Variants in USF1 observed in about 807,000 individuals in gnomAD.
The protein encoded by USF1 is upstream stimulatory factor 1.
A neutral mutation model predicts 46.3 loss-of-function variants in USF1; 22 were observed. The ratio of observed to expected loss-of-function variants is 0.47; its 90% confidence interval spans 0.34 to 0.68. The LOEUF is 0.68. Among genes scored for constraint, USF1 ranks in the 30% least tolerant of loss-of-function variants. USF1 has a pLI of 0.01. For synonymous variants in USF1, 150 were observed against 147.0 expected (o/e 1.02, Z -0.15); for missense variants, 287 against 399.3 (o/e 0.72, Z 2.40).
In USF1 at chr1:161,040,611, G is replaced by T; in HGVS notation, c.679C>A (p.Pro227Thr). 1.2e-6 allele frequency: 2 copies of T among 1,612,484 alleles called. No homozygotes were observed. Among genetic ancestry groups the T allele is most frequent in the Non-Finnish European group, 1.7e-6 (2 of 1,179,824 alleles). The change falls in exon 9 of 11, where the codon CCA becomes ACA. Residue 227 changes from proline (P) to threonine (T), a missense_variant. Coordinates refer to ENST00000368021, the MANE Select transcript of USF1 (RefSeq NM_007122.5). The surrounding 1 kb of genome is among the most constrained non-coding windows in gnomAD (Gnocchi z 4.0). ...NWIVQLSKII[P>T]DCSMESTKSG... is the part of the protein sequence containing the mutation. The stretch of plus-strand genomic sequence containing the variant: ...TTGGTGCTCTCCATAGAGCAGTCTG[G>T]GATTATCTTGGAGAGCTGCACGATC...
intron 3 of USF1, 67 bp downstream of exon 3, chr1:161,042,766 T>C (rs1650624525): frequency 3.1e-6 from 5 of 1,612,174 alleles, no homozygotes; most frequent in Non-Finnish European, 4.2e-6. Context: ...GCACAGGAGA[T>C]GGTCTGGTGG....
In USF1 at chr1:161,041,796, C is replaced by A; in HGVS notation, c.327G>T (p.Gly109=). The A allele has an allele frequency of 6.2e-6, 10 of 1,614,066 alleles. No individual in the cohort carries two copies. Among genetic ancestry groups the A allele is most frequent in the Non-Finnish European group, 8.5e-6 (10 of 1,179,972 alleles). The part of the protein sequence containing the change: ...FTSDDAVDTE[G]TAAETHYTYF... Reference sequence around the variant, plus strand: ...AAGTATAGTGCGTCTCAGCAGCTGTCCCCTCCGTGTCAACTGCATCATCAC... The same window carrying A: ...AAGTATAGTGCGTCTCAGCAGCTGTACCCTCCGTGTCAACTGCATCATCAC... Residue 109 remains glycine, a synonymous_variant, in exon 6 of 11, where the codon GGG becomes GGT. Transcript: ENST00000368021.
intron 7 of USF1, among the ~76,000 whole-genome samples, 171 bp downstream of exon 7, chr1:161,041,153 T>A (rs536081327): frequency 2.0e-4 from 30 of 149,500 alleles, no homozygotes; most frequent in Non-Finnish European, 4.3e-4. Context: ...TTCCAGCTAC[T>A]CAGGAGGCTG....
chr1:161,040,034 G>C lies in USF1; in HGVS notation c.844-25C>G, dbSNP rs776883110. On this transcript the variant is annotated intron_variant, in intron 10 of 10. Coordinates refer to ENST00000368021, the MANE Select transcript of USF1 (RefSeq NM_007122.5). The surrounding 1 kb of genome is among the most constrained non-coding windows in gnomAD (Gnocchi z 4.0). ...CCTGACATGGGAAGGAGGCAGTAAA[G>C]GGAATGGGTAGTAAAGCTGGCACTT... 3 of 1,613,998 alleles carry C rather than the reference G, an allele frequency of 1.9e-6. No homozygotes were observed. The highest frequency in any genetic ancestry group is 4.5e-5 in the East Asian group (2 of 44,884).
chr1:161,043,061 A>G (rs1280205080), intron 2 of USF1, among the ~76,000 whole-genome samples, 179 bp from the exon 3 acceptor site: 1 of 152,210 alleles, frequency 6.6e-6, no homozygotes, highest in African/African-American at 2.4e-5. Context: ...AGTACATTAC[A>G]TGTAATCTTA....
rs1013785367 is a variant in USF1 at position 161,041,774 on chromosome 1, T to C, written c.349A>G (p.Thr117Ala). ...CCCACTGCCGTGCTGGGGAAGTAAG[T>C]ATAGTGCGTCTCAGCAGCTGTCCCC... ...TEGTAAETHY[T>A]YFPSTAVGDG... Residue 117 changes from threonine (T) to alanine (A), a missense_variant, in exon 6 of 11, where the codon ACT becomes GCT. By Grantham distance (58) the Thr-to-Ala change is moderately conservative (BLOSUM62 0). Coordinates refer to ENST00000368021, the MANE Select transcript of USF1 (RefSeq NM_007122.5). 3.1e-6 allele frequency: 5 copies of C among 1,614,060 alleles called. No homozygotes were observed. The highest frequency in any genetic ancestry group is 3.3e-5 in the Admixed American group (2 of 60,000).
intron 3 of USF1, 71 bp from the exon 4 acceptor site, chr1:161,042,741 C>T (rs989150169): frequency 1.1e-5 from 18 of 1,611,630 alleles, no homozygotes; most frequent in African/African-American, 4.0e-5. Flanking sequence ...TTGCATGTCA[C>T]GGAAGGAGGA....
Position 161,042,883 on chromosome 1 carries a change from C to G in USF1, c.9-1G>C. The stretch of plus-strand genomic sequence containing the variant: ...TTCCGTTTCAGCTGTTTTCTGCTGC[C>G]TGTTTGTGGTGAAAGGACAAAAGGA... On this transcript the variant is annotated splice_acceptor_variant, in intron 2 of 10. Transcript: ENST00000368021. LOFTEE classifies it high-confidence loss of function. The G allele has an allele frequency of 6.2e-7, 1 of 1,614,164 alleles. No homozygotes were observed. The highest frequency in any genetic ancestry group is 8.5e-7 in the Non-Finnish European group (1 of 1,180,040).
chr1:161,039,818 C>T lies in USF1; in HGVS notation c.*102G>A, dbSNP rs1165408825. ...ACACACCTTCTGAACTTCCCCCTGT[C>T]CCATGCCAGAAGTGGGGCAGTGAAG... On this transcript the variant is annotated 3_prime_UTR_variant, in exon 11 of 11. Transcript: ENST00000368021. The T allele has an allele frequency of 7.2e-6, 9 of 1,241,452 alleles. No individual in the cohort carries two copies. The East Asian group carries it at 1.9e-4, about 26-fold the overall frequency. 76.9% of individuals were successfully genotyped at this position (1,241,452 alleles called of 1,614,324 possible). A position where few individuals can be genotyped will look rare whatever the true frequency, so the allele number is the denominator to read the frequency against.
At chr1:161,041,178 C>T (rs1650540515) in intron 7 of USF1, 146 bp downstream of exon 7, 2 of 746,370 alleles carry the variant, frequency 2.7e-6, no homozygotes, top group Non-Finnish European at 4.1e-6. Context: ...ATGAGAAACG[C>T]TTGAACCCTG....
intron 4 of USF1, 61 bp from the exon 5 acceptor site, chr1:161,042,278 TC>T: frequency 6.6e-7 from 1 of 1,517,650 alleles, no homozygotes; most frequent in Non-Finnish European, 9.0e-7. Flanking sequence ...GTGTTGGGAA[TC>T]CTAGGGCCCC....
rs1216446466 is a variant in USF1 at position 161,040,826 on chromosome 1, G to T, written c.607C>A (p.Gln203Lys). The T allele has an allele frequency of 6.2e-7, 1 of 1,614,114 alleles. No homozygotes were observed. The highest frequency in any genetic ancestry group is 1.7e-5 in the Admixed American group (1 of 60,008). ...AGATCATACCTACCTTCATTATGCT[G>T]AGCCCTGCGTTTCTCATCCCGAGTC... ...RTTRDEKRRAQHNEVERRRRD... is the reference protein window; with the variant it reads ...RTTRDEKRRAKHNEVERRRRD... Residue 203 changes from glutamine to lysine, a missense_variant, in exon 8 of 11, where the codon CAG becomes AAG. Gln to Lys is a moderately conservative substitution (Grantham distance 53). Coordinates refer to ENST00000368021, the MANE Select transcript of USF1 (RefSeq NM_007122.5). This position sits in a 1 kb window ranked among gnomAD's most constrained non-coding sequence, Gnocchi z 4.0.
rs1650505853 is a variant in USF1, at chr1:161,040,551, C to T, written c.714+25G>A. On this transcript the variant is annotated intron_variant, in intron 9 of 10. Transcript: ENST00000368021. This position sits in a 1 kb window ranked among gnomAD's most constrained non-coding sequence, Gnocchi z 4.0. ...CAGGAGGCAGAATTCAGGCATCCTG[C>T]CCACTACCAGGGTCTTTCCATGACC... The T allele has an allele frequency of 1.9e-6, 3 of 1,606,086 alleles. No homozygotes were observed. The highest frequency in any genetic ancestry group is 2.6e-6 in the Non-Finnish European group (3 of 1,176,354).
chr1:161,041,951 G>C (rs1303179057), intron 5 of USF1, 105 bp from the exon 6 acceptor site: 2 of 1,245,810 alleles, frequency 1.6e-6, no homozygotes, highest in Non-Finnish European at 2.2e-6. Context: ...AGGGTGGAGA[G>C]AGAGAGAGAG....
intron 1 of USF1, among the ~76,000 whole-genome samples, chr1:161,043,948 T>C (rs1336758176): frequency 4.1e-5 from 6 of 144,788 alleles, no homozygotes; most frequent in Admixed American, 4.1e-4. Flanking sequence ...TCTTTCTTTT[T>C]TTTTTTTTTT....
rs1293836818 is a variant in USF1 at position 161,042,888 on chromosome 1, T to G, written c.9-6A>C. The G allele has an allele frequency of 2.5e-6, 4 of 1,614,014 alleles. No individual in the cohort carries two copies. In the African/African-American group the frequency reaches 5.3e-5, roughly 22 times the overall value. On this transcript the variant is annotated splice_region_variant and splice_polypyrimidine_tract_variant and intron_variant, in intron 2 of 10. Transcript: ENST00000368021. The stretch of plus-strand genomic sequence containing the variant: ...TTTCAGCTGTTTTCTGCTGCCTGTT[T>G]GTGGTGAAAGGACAAAAGGAAGAGT...
rs745908279 is a variant in USF1 at position 161,040,875 on chromosome 1, G to A, written c.561-3C>T. 1.9e-6 allele frequency: 3 copies of A among 1,613,928 alleles called. No homozygotes were observed. In the Admixed American group the frequency reaches 5.0e-5, roughly 27 times the overall value. ...TCGTCCGGGGAGCTTCTGACTTCCT[G>A]ACAACAGAGCCCAGGGTGGCCAGAG... On this transcript the variant is annotated splice_region_variant and splice_polypyrimidine_tract_variant and intron_variant, in intron 7 of 10. Transcript: ENST00000368021. This position sits in a 1 kb window ranked among gnomAD's most constrained non-coding sequence, Gnocchi z 4.0.
At position 161,040,499 on chromosome 1, in the gene USF1, T is replaced by C; in HGVS notation, c.714+77A>G. 6.4e-7 allele frequency: 1 copy of C among 1,573,328 alleles called. No individual in the cohort carries two copies. Among genetic ancestry groups the C allele is most frequent in the Non-Finnish European group, 8.7e-7 (1 of 1,156,002 alleles). On this transcript the variant is annotated intron_variant, in intron 9 of 10. Transcript: ENST00000368021. This position sits in a 1 kb window ranked among gnomAD's most constrained non-coding sequence, Gnocchi z 4.0. Reference sequence around the variant, plus strand: ...ATAAGACTACTGTCATGTGTGCCCCTCTCTCTACCATTTCTGGAAACAATA... The same window carrying C: ...ATAAGACTACTGTCATGTGTGCCCCCCTCTCTACCATTTCTGGAAACAATA...
rs1185191502 is a variant in USF1, at chr1:161,040,018, G to A, written c.844-9C>T. Reference sequence around the variant, plus strand: ...TTTTTAAGATCTTCCACCTGACATGGGAAGGAGGCAGTAAAGGGAATGGGT... The same window carrying A: ...TTTTTAAGATCTTCCACCTGACATGAGAAGGAGGCAGTAAAGGGAATGGGT... On this transcript the variant is annotated splice_polypyrimidine_tract_variant and intron_variant, in intron 10 of 10. Transcript: ENST00000368021. The surrounding 1 kb of genome is among the most constrained non-coding windows in gnomAD (Gnocchi z 4.0). The A allele has an allele frequency of 1.2e-6, 2 of 1,614,172 alleles. No homozygotes were observed. Among genetic ancestry groups the A allele is most frequent in the Non-Finnish European group, 8.5e-7 (1 of 1,180,022 alleles).
Sources: allele counts gnomAD v4.1 joint callset (sites outside exome capture counted in the v4.1 genomes callset), GRCh38; gene constraint gnomAD v4.1.1; non-coding constraint Gnocchi (gnomAD v3.1); transcripts MANE v1.5; gene names NCBI Gene and HGNC (gene_info 2026-07-23, HGNC 2026-07-21).